The following PHF21B variants were observed in gnomAD, a reference collection of about 807,000 sequenced individuals.
PHF21B encodes the protein PHD finger protein 4.
In PHF21B, 22 loss-of-function variants were observed where a neutral mutation model predicts 62.2. The ratio of observed to expected loss-of-function variants is 0.35; its 90% CI spans 0.25 to 0.51. The LOEUF (loss-of-function observed/expected upper bound fraction) is 0.51, where lower values mean the gene tolerates loss of function less well. Ranked by LOEUF, PHF21B falls within the 20% of genes least tolerant of loss-of-function variation. The probability of loss-of-function intolerance (pLI) is 0.97; values close to 1 mark genes in which losing one functional copy is unlikely to be tolerated. For synonymous variants in PHF21B, 341 were observed against 314.7 expected (o/e 1.08, Z -0.88); for missense variants, 701 against 707.9 (o/e 0.99, Z 0.11).
intron 2 of PHF21B, among the ~76,000 whole-genome samples, chr22:44,943,659 T>A (rs1227545696): frequency 6.6e-6 from 1 of 152,118 alleles, no homozygotes; most frequent in Non-Finnish European, 1.5e-5. Context: ...GCAAACAGGT[T>A]TAGATTTCGA....
chr22:44,883,215 T>A lies in PHF21B; in HGVS notation c.1467A>T (p.Ile489=). ...TGACCTGGAGCAGCTGCTCGCCCTG[T>A]ATCAGTCTCAGGAGGGCCCGCAGGC... The part of the protein sequence containing the change: ...LDRLRALLRL[I]QGEQLLQVTM... Residue 489 remains isoleucine, a synonymous_variant, in exon 13 of 13, where the codon ATA becomes ATT. Transcript: ENST00000313237. The A allele has an allele frequency of 6.2e-7, 1 of 1,613,826 alleles. No homozygotes were observed. Among genetic ancestry groups the A allele is most frequent in the Non-Finnish European group, 8.5e-7 (1 of 1,179,972 alleles).
At chr22:44,929,084 T>C (rs1045422473) in intron 2 of PHF21B, among the ~76,000 whole-genome samples, 1 of 152,258 alleles carries the variant, frequency 6.6e-6, no homozygotes, top group African/African-American at 2.4e-5. Flanking sequence ...ATTTAATTGC[T>C]TCTCGAGTTG....
chr22:44,902,367 G>A, intron 5 of PHF21B: 1 of 345,192 alleles, frequency 2.9e-6, no homozygotes, highest in Non-Finnish European at 5.8e-6. Flanking sequence ...CAGCTCCAGG[G>A]CTACCTGAGA....
chr22:44,926,286 G>A (rs902511002), intron 2 of PHF21B, among the ~76,000 whole-genome samples: 6 of 152,266 alleles, frequency 3.9e-5, no homozygotes, highest in African/African-American at 1.2e-4. Flanking sequence ...TCCCCGCGGT[G>A]GATTCCCGAG....
chr22:44,991,140 C>G (rs974804285), intron 2 of PHF21B, among the ~76,000 whole-genome samples: 3 of 152,336 alleles, frequency 2.0e-5, no homozygotes, highest in South Asian at 4.2e-4. Flanking sequence ...GTTAGCGCAT[C>G]CTTCAGTCAT....
chr22:44,964,250 G>A (rs1016766725), intron 2 of PHF21B, among the ~76,000 whole-genome samples: 1 of 152,210 alleles, frequency 6.6e-6, no homozygotes, highest in Admixed American at 6.5e-5. Flanking sequence ...CTGCATCACT[G>A]TTTAACCATT....
chr22:44,917,783 AGG>A (rs2147306891), intron 3 of PHF21B, among the ~76,000 whole-genome samples: 1 of 152,334 alleles, frequency 6.6e-6, no homozygotes, highest in Non-Finnish European at 1.5e-5. Context: ...GGAGTGGTCC[AGG>A]GTGGCTCCTA....
intron 2 of PHF21B, among the ~76,000 whole-genome samples, chr22:45,007,627 G>T (rs1369835738): frequency 1.4e-5 from 2 of 145,300 alleles, no homozygotes; most frequent in Admixed American, 6.8e-5. Context: ...CCGCCACAGC[G>T]GTGCCCCCAG....
At chr22:44,920,333 G>A in intron 3 of PHF21B, 65 bp downstream of exon 3, 1 of 1,381,474 alleles carries the variant, frequency 7.2e-7, no homozygotes, top group South Asian at 1.3e-5. Flanking sequence ...GTGCTGAGGG[G>A]TTAGGAACAG....
chr22:44,972,473 T>C (rs1304347519), intron 2 of PHF21B, among the ~76,000 whole-genome samples: 1 of 152,110 alleles, frequency 6.6e-6, no homozygotes, highest in Non-Finnish European at 1.5e-5. Flanking sequence ...AAACCGAGTG[T>C]TGGCAGACGC....
At chr22:44,948,085 T>C (rs2072115036) in intron 2 of PHF21B, among the ~76,000 whole-genome samples, 2 of 144,030 alleles carry the variant, frequency 1.4e-5, no homozygotes, top group Non-Finnish European at 3.1e-5. Flanking sequence ...TCCAACCTTT[T>C]TGGCACAGAG....
At chr22:44,909,801 C>T (rs1468256879) in intron 5 of PHF21B, among the ~76,000 whole-genome samples, 1 of 152,260 alleles carries the variant, frequency 6.6e-6, no homozygotes, top group Non-Finnish European at 1.5e-5. Context: ...ATCCTGGCAA[C>T]TCCTCTACCC....
chr22:44,992,576 G>A (rs960425685), intron 2 of PHF21B, among the ~76,000 whole-genome samples: 1 of 152,248 alleles, frequency 6.6e-6, no homozygotes, highest in Non-Finnish European at 1.5e-5. Context: ...AGGCTGGACT[G>A]AATCTCTGCG....
chr22:44,943,930 G>A (rs765529062), intron 2 of PHF21B, among the ~76,000 whole-genome samples: 1 of 152,166 alleles, frequency 6.6e-6, no homozygotes, highest in Non-Finnish European at 1.5e-5. Flanking sequence ...CAGGCCTGGC[G>A]CACAGTAGCT....
intron 3 of PHF21B, among the ~76,000 whole-genome samples, chr22:44,917,840 C>G (rs1768801046): frequency 6.6e-6 from 1 of 152,208 alleles, no homozygotes; most frequent in African/African-American, 2.4e-5. Context: ...ACAGCGTGCT[C>G]TTCAGTTGGA....
intron 2 of PHF21B, among the ~76,000 whole-genome samples, chr22:44,987,615 T>A (rs1255072571): frequency 6.6e-6 from 1 of 151,648 alleles, no homozygotes; most frequent in Non-Finnish European, 1.5e-5. Flanking sequence ...AATCCCATGG[T>A]CCTCTGACCA....
intron 2 of PHF21B, among the ~76,000 whole-genome samples, chr22:44,941,972 C>T (rs983516513): frequency 6.6e-6 from 1 of 152,204 alleles, no homozygotes; most frequent in Non-Finnish European, 1.5e-5. Context: ...GATGCCACTT[C>T]CCAGAGGAGA....
rs1377266727 is a variant in PHF21B at position 44,918,095 on chromosome 22, A to C, written c.214-1465T>G. 2.0e-5 allele frequency among the ~76,000 whole-genome samples: 3 copies of C among 152,224 alleles called. No homozygotes were observed. In the South Asian group the frequency reaches 6.2e-4, roughly 32 times the overall value. On this transcript the variant is annotated intron_variant, in intron 3 of 12. Transcript: ENST00000313237. ...CAATGCCAGGCTTACAGCCCAACAG[A>C]AACTCCAATACCAAAGGCTTTAAAA... is the stretch of plus-strand genomic sequence containing the variant.
In PHF21B at chr22:44,887,948, C is replaced by T. The variant is rs1385715236; in HGVS notation, c.1197+15G>A. 3 of 1,463,128 alleles carry T rather than the reference C, an allele frequency of 2.1e-6. No homozygotes were observed. The highest frequency in any genetic ancestry group is 1.5e-5 in the South Asian group (1 of 68,784). The allele number at this position is 1,463,128 out of a possible 1,614,324, so 90.6% of individuals were successfully genotyped here. ...ATGCCAGTCTGGGGTGAGGGGGTCA[C>T]ACAGCCTCCTGTACCTTCTGCTGGC... On this transcript the variant is annotated intron_variant, in intron 10 of 12. Coordinates refer to ENST00000313237, the MANE Select transcript of PHF21B (RefSeq NM_138415.5).
Sources: allele counts gnomAD v4.1 joint callset (sites outside exome capture counted in the v4.1 genomes callset), GRCh38; gene constraint gnomAD v4.1.1; transcripts MANE v1.5; gene names NCBI Gene and HGNC (gene_info 2026-07-23, HGNC 2026-07-21).